Variants in IQANK1 observed in about 807,000 individuals in gnomAD.
The protein encoded by IQANK1 is IQ motif and ankyrin repeat domain-containing protein 1.
IQANK1 carries 30 observed loss-of-function variants against 22.6 expected under a neutral mutation model. The ratio of observed to expected loss-of-function variants is 1.33; its 90% CI spans 0.99 to 1.80. The LOEUF is 1.80. Ranked by LOEUF, IQANK1 falls within the 40% of genes most tolerant of loss-of-function variation. The pLI, the probability that IQANK1 is intolerant of heterozygous loss-of-function variation, is 0.00. For synonymous variants in IQANK1, 122 were observed against 99.6 expected (o/e 1.23, Z -1.34); for missense variants, 275 against 235.2 (o/e 1.17, Z -1.11).
intron 3 of IQANK1, 122 bp downstream of exon 3, chr8:143,740,070 G>A: frequency 1.9e-6 from 1 of 540,412 alleles, no homozygotes; most frequent in Non-Finnish European, 3.3e-6. Context: ...ACATGTGCTT[G>A]TGCGCGCACG....
At chr8:143,742,413 C>T in intron 3 of IQANK1, 1 of 456,042 alleles carries the variant, frequency 2.2e-6, no homozygotes, top group East Asian at 7.0e-5. Context: ...CTTTCCTCTG[C>T]ATTGGTGCCC....
rs1356680028 is a variant in IQANK1 at position 143,774,170 on chromosome 8, C to T, written c.789+1688C>T. ...GGATTCTTGGACATGACACAAAAAGCACAATCCAAAAAAAAAAAAAAACCA... is the reference window on the plus strand; with the variant it reads ...GGATTCTTGGACATGACACAAAAAGTACAATCCAAAAAAAAAAAAAAACCA... On this transcript the variant is annotated intron_variant, in intron 7 of 13. Coordinates refer to ENST00000527139, the MANE Select transcript of IQANK1 (RefSeq NM_001381874.1). This position sits in a 1 kb window ranked among gnomAD's most constrained non-coding sequence, Gnocchi z 4.2. 1.2e-5 allele frequency among the ~76,000 whole-genome samples: 1 copy of T among 83,818 alleles called. No individual in the cohort carries two copies. Among genetic ancestry groups the T allele is most frequent in the Non-Finnish European group, 2.8e-5 (1 of 35,266 alleles). 55.0% of individuals were successfully genotyped at this position (83,818 alleles called of 152,430 possible). A position where few individuals can be genotyped will look rare whatever the true frequency, so the allele number is the denominator to read the frequency against.
intron 7 of IQANK1, among the ~76,000 whole-genome samples, chr8:143,776,149 G>T (rs375219921): frequency 1.7e-3 from 250 of 150,976 alleles, no homozygotes; most frequent in African/African-American, 3.9e-3. Flanking sequence ...GTGAAACCCC[G>T]TCTCCACTAA....
rs1820023061 is a variant in IQANK1 at position 143,790,644 on chromosome 8, G to A, written c.*36G>A. ...AGTCCCAATAAAACGTGTGCCCCGG[G>A]GCGCGGTGCTGCATCTGTGCTGCGT... On this transcript the variant is annotated 3_prime_UTR_variant, in exon 14 of 14. Coordinates refer to ENST00000527139, the MANE Select transcript of IQANK1 (RefSeq NM_001381874.1). 5.0e-6 allele frequency: 2 copies of A among 398,528 alleles called. No homozygotes were observed. The highest frequency in any genetic ancestry group is 8.8e-5 in the Admixed American group (2 of 22,746). 24.7% of individuals were successfully genotyped at this position (398,528 alleles called of 1,614,324 possible).
intron 3 of IQANK1, among the ~76,000 whole-genome samples, chr8:143,750,187 G>A (rs1165171420): frequency 4.0e-5 from 6 of 151,714 alleles, no homozygotes; most frequent in African/African-American, 1.5e-4. Context: ...TAGTAGAGAC[G>A]AGGTTTCTCC....
Position 143,759,046 on chromosome 8 carries a change from T to A in IQANK1, c.176-12442T>A. 8.5e-6 allele frequency: 2 copies of A among 234,106 alleles called. 1 individual carries two copies. The highest frequency in any genetic ancestry group is 1.2e-4 in the South Asian group (2 of 16,816). The allele number at this position is 234,106 out of a possible 1,614,324, so 14.5% of individuals were successfully genotyped here. A position where few individuals can be genotyped will look rare whatever the true frequency, so the allele number is the denominator to read the frequency against. ...CGCAATGGGGTCCCAATCGGTGGGATGAGGCCCTGGGATGAGGTCCTGCAT... is the reference window on the plus strand; with the variant it reads ...CGCAATGGGGTCCCAATCGGTGGGAAGAGGCCCTGGGATGAGGTCCTGCAT... On this transcript the variant is annotated intron_variant, in intron 3 of 13. Coordinates refer to ENST00000527139, the MANE Select transcript of IQANK1 (RefSeq NM_001381874.1).
At chr8:143,779,593 TATTC>T (rs1165338875) in intron 7 of IQANK1, among the ~76,000 whole-genome samples, 4 of 152,248 alleles carry the variant, frequency 2.6e-5, no homozygotes, top group African/African-American at 7.2e-5. Context: ...ATTTATTGCC[TATTC>T]ATTAAGACAC....
At chr8:143,782,010 C>T (rs1249026607) in intron 7 of IQANK1, among the ~76,000 whole-genome samples, 3 of 152,094 alleles carry the variant, frequency 2.0e-5, no homozygotes, top group Non-Finnish European at 2.9e-5. Flanking sequence ...TTATAATTCT[C>T]ATTGTAGAGA....
intron 7 of IQANK1, among the ~76,000 whole-genome samples, chr8:143,787,820 G>A (rs1156393183): frequency 6.6e-6 from 1 of 152,004 alleles, no homozygotes; most frequent in Admixed American, 6.5e-5. Context: ...GAATGCGGCC[G>A]CTCACCCGCG....
intron 3 of IQANK1, among the ~76,000 whole-genome samples, chr8:143,770,901 G>A (rs1041191526): frequency 8.5e-5 from 13 of 152,230 alleles, no homozygotes; most frequent in African/African-American, 3.1e-4. Flanking sequence ...GCAGCGCTGA[G>A]CCCGACGCCC....
In IQANK1 at chr8:143,790,350, G is replaced by A; in HGVS notation, c.1425G>A (p.Arg475=). 1 of 1,188,212 alleles carries A rather than the reference G, an allele frequency of 8.4e-7. No homozygotes were observed. Among genetic ancestry groups the A allele is most frequent in the Non-Finnish European group, 1.1e-6 (1 of 948,262 alleles). The allele number at this position is 1,188,212 out of a possible 1,614,324, so 73.6% of individuals were successfully genotyped here. Reference sequence around the variant, plus strand: ...TGGCCTCACCAGCCTCATGGGGCAGGTATGGGAAGCCGCTGGTGTTCGACC... The same window carrying A: ...TGGCCTCACCAGCCTCATGGGGCAGATATGGGAAGCCGCTGGTGTTCGACC... ...TMWLALLGAL[R]YGKPLVFDLR... Residue 475 remains arginine (R), a splice_region_variant and synonymous_variant, in exon 14 of 14, where the codon CGG becomes CGA. Coordinates refer to ENST00000527139, the MANE Select transcript of IQANK1 (RefSeq NM_001381874.1).
At position 143,754,205 on chromosome 8, in the gene IQANK1, G is replaced by C. The variant is rs534179245; in HGVS notation, c.175+14257G>C. Among the ~76,000 whole-genome samples, 83 of 152,322 alleles carry C rather than the reference G, an allele frequency of 5.4e-4. 1 individual carries two copies. Among genetic ancestry groups the C allele is most frequent in the African/African-American group, 1.8e-3 (74 of 41,576 alleles). ...GAGGGGGAGGGGCTTGCAGCAATGT[G>C]GGGAGGGGCCATGACAATGGCTGCT... On this transcript the variant is annotated intron_variant, in intron 3 of 13. Coordinates refer to ENST00000527139, the MANE Select transcript of IQANK1 (RefSeq NM_001381874.1).
chr8:143,770,787 C>T (rs749842309), intron 3 of IQANK1, among the ~76,000 whole-genome samples: 1 of 152,264 alleles, frequency 6.6e-6, no homozygotes, highest in African/African-American at 2.4e-5. Flanking sequence ...CACAAGCGCC[C>T]CATTGCTGGA....
At chr8:143,777,447 C>T (rs997860345) in intron 7 of IQANK1, among the ~76,000 whole-genome samples, 10 of 140,900 alleles carry the variant, frequency 7.1e-5, no homozygotes, top group Admixed American at 1.5e-4. Context: ...ACCCGGGAGG[C>T]GGAGGCTGCA....
rs1401116018 is a variant in IQANK1 at position 143,774,279 on chromosome 8, G to A, written c.789+1797G>A. 6.6e-6 allele frequency among the ~76,000 whole-genome samples: 1 copy of A among 152,088 alleles called. No homozygotes were observed. The highest frequency in any genetic ancestry group is 1.9e-4 in the East Asian group (1 of 5,198). ...AGAAGAAAAGAAGCCACAGGCAGGA[G>A]CAAACGTTTGTGAACCACGCATCTG... On this transcript the variant is annotated intron_variant, in intron 7 of 13. Transcript: ENST00000527139. This position sits in a 1 kb window ranked among gnomAD's most constrained non-coding sequence, Gnocchi z 4.2.
chr8:143,761,052 AT>A (rs1376641061), intron 3 of IQANK1, among the ~76,000 whole-genome samples: 1 of 152,192 alleles, frequency 6.6e-6, no homozygotes, highest in African/African-American at 2.4e-5. Flanking sequence ...CTGAAGACCC[AT>A]CCTGAACCAG....
chr8:143,754,574 A>C (rs1435596078), intron 3 of IQANK1, among the ~76,000 whole-genome samples: 1 of 152,190 alleles, frequency 6.6e-6, no homozygotes, highest in African/African-American at 2.4e-5. Flanking sequence ...AATTCATCAA[A>C]GCCTGCAAGG....
intron 7 of IQANK1, among the ~76,000 whole-genome samples, chr8:143,776,213 C>T (rs60633942): frequency 0.037 from 5,506 of 147,886 alleles, 295 homozygotes; most frequent in African/African-American, 0.12. Flanking sequence ...CCCAGCTACT[C>T]GGGAGGCTGA....
chr8:143,745,846 G>A (rs2129804530), intron 3 of IQANK1: 1 of 152,330 alleles, frequency 6.6e-6, no homozygotes, highest in South Asian at 2.1e-4. Context: ...AAACTCTTGG[G>A]CTCAAGCAGT....
Sources: allele counts gnomAD v4.1 joint callset (sites outside exome capture counted in the v4.1 genomes callset), GRCh38; gene constraint gnomAD v4.1.1; non-coding constraint Gnocchi (gnomAD v3.1); transcripts MANE v1.5; gene names NCBI Gene and HGNC (gene_info 2026-07-23, HGNC 2026-07-21).